ATG4B: variants seen among roughly 807,000 people sequenced by gnomAD.
ATG4B encodes the protein autophagy related 4B cysteine peptidase, also known as cysteine protease ATG4B.
A neutral mutation model predicts 56.6 loss-of-function variants in ATG4B; 29 were observed. That is an observed-to-expected ratio of 0.51 (90% CI 0.38 to 0.70). ATG4B has a LOEUF of 0.70. Ranked by LOEUF, ATG4B falls within the 30% of genes least tolerant of loss-of-function variation. The probability of loss-of-function intolerance (pLI) is 0.00; values close to 1 mark genes in which losing one functional copy is unlikely to be tolerated. For synonymous variants in ATG4B, 224 were observed against 206.1 expected (o/e 1.09, Z -0.74); for missense variants, 461 against 515.5 (o/e 0.89, Z 1.02).
intron 1 of ATG4B, among the ~76,000 whole-genome samples, chr2:241,648,607 G>A (rs201564327): frequency 4.3e-5 from 6 of 139,138 alleles, no homozygotes; most frequent in South Asian, 4.7e-4. Flanking sequence ...AAAAAAAAAA[G>A]AAAAAAAAAC....
At chr2:241,661,211 G>C (rs867554693) in intron 7 of ATG4B, among the ~76,000 whole-genome samples, 1 of 152,216 alleles carries the variant, frequency 6.6e-6, no homozygotes, top group South Asian at 2.1e-4. Context: ...GTCTCACTGC[G>C]TCAGCTGCCT....
At chr2:241,659,521 C>G (rs2068525945) in intron 7 of ATG4B, 3 of 380,284 alleles carry the variant, frequency 7.9e-6, no homozygotes, top group Non-Finnish European at 1.6e-5. Flanking sequence ...TTTTGCGTGC[C>G]TTGATGTGCG....
At chr2:241,671,202 T>G in intron 11 of ATG4B, 110 bp from the exon 12 acceptor site, 18 of 924,282 alleles carry the variant, frequency 1.9e-5, no homozygotes, top group Non-Finnish European at 2.7e-5. Context: ...TTCTCATCAG[T>G]GAGATGGGAT....
chr2:241,672,167 T>G, intron 12 of ATG4B, 24 bp from the exon 13 acceptor site: 2 of 1,562,334 alleles, frequency 1.3e-6, no homozygotes, highest in Non-Finnish European at 1.7e-6. Context: ...AGATGCCTGA[T>G]GCGCTATGTC....
rs774184091 is a variant in ATG4B, at chr2:241,668,514, C to T, written c.812-26C>T. On this transcript the variant is annotated intron_variant, in intron 9 of 12. Coordinates refer to ENST00000404914, the MANE Select transcript of ATG4B (RefSeq NM_013325.5). This position sits in a 1 kb window ranked among gnomAD's most constrained non-coding sequence, Gnocchi z 4.2. ...TTTCCTCTGCCGGCTCGGCCACCCA[C>T]CTGCCCACCTGCCTCATCCTCCCAG... 6.2e-7 allele frequency: 1 copy of T among 1,601,966 alleles called. No homozygotes were observed. The highest frequency in any genetic ancestry group is 2.2e-5 in the East Asian group (1 of 44,506).
At position 241,666,724 on chromosome 2, in the gene ATG4B, C is replaced by G; in HGVS notation, c.618C>G (p.Phe206Leu). Residue 206 changes from phenylalanine (F) to leucine (L), a missense_variant, in exon 8 of 13, where the codon TTC becomes TTG. By Grantham distance (22) the Phe-to-Leu change is conservative (BLOSUM62 0). Transcript: ENST00000404914. ...PADSDRHCNGFPAGAEVTNRP... is the reference protein window; with the variant it reads ...PADSDRHCNGLPAGAEVTNRP... ...ATTCCGACCGGCACTGCAACGGATT[C>G]CCTGCCGGAGCTGAGGTCACCAACA... The G allele has an allele frequency of 3.1e-6, 5 of 1,612,158 alleles. No homozygotes were observed. Among genetic ancestry groups the G allele is most frequent in the Non-Finnish European group, 4.2e-6 (5 of 1,179,182 alleles).
intron 8 of ATG4B, 61 bp downstream of exon 8, chr2:241,666,899 A>G: frequency 2.7e-6 from 4 of 1,500,768 alleles, no homozygotes; most frequent in Non-Finnish European, 3.6e-6. Flanking sequence ...GTTCTTAGTC[A>G]CTTTCAGCGC....
intron 7 of ATG4B, chr2:241,659,576 A>G: frequency 1.2e-5 from 4 of 346,954 alleles, no homozygotes; most frequent in South Asian, 8.6e-5. Context: ...ATCTCGAGCA[A>G]AGGCACGTCG....
intron 6 of ATG4B, among the ~76,000 whole-genome samples, chr2:241,657,965 C>T (rs1378063689): frequency 1.3e-5 from 2 of 152,144 alleles, no homozygotes; most frequent in African/African-American, 4.8e-5. Flanking sequence ...GCACTTGGAC[C>T]CTGTTCCCCC....
At chr2:241,647,576 C>T (rs991471144) in intron 1 of ATG4B, among the ~76,000 whole-genome samples, 11 of 143,812 alleles carry the variant, frequency 7.6e-5, no homozygotes, top group African/African-American at 2.9e-4. Context: ...GCCGAGATCG[C>T]GCTACTGCAC....
chr2:241,659,376 C>G (rs1437561672), intron 7 of ATG4B, 189 bp downstream of exon 7: 1 of 672,558 alleles, frequency 1.5e-6, no homozygotes, highest in African/African-American at 1.8e-5. Context: ...GGCGGTCATA[C>G]CAAGAGAGGA....
intron 1 of ATG4B, among the ~76,000 whole-genome samples, chr2:241,646,690 T>C (rs2068069341): frequency 6.6e-6 from 1 of 152,166 alleles, no homozygotes; most frequent in Admixed American, 6.5e-5. Context: ...CAGCTGAGTT[T>C]GCCCAACTGT....
chr2:241,668,261 C>T lies in ATG4B; in HGVS notation c.811+40C>T. On this transcript the variant is annotated intron_variant, in intron 9 of 12. Coordinates refer to ENST00000404914, the MANE Select transcript of ATG4B (RefSeq NM_013325.5). The surrounding 1 kb of genome is among the most constrained non-coding windows in gnomAD (Gnocchi z 4.2). ...CCCACCGTGTCCCTGTGGGCCTGGG[C>T]CTTTTAAGGGCATTCCATGAGCAGG... 6.4e-7 allele frequency: 1 copy of T among 1,556,200 alleles called. No homozygotes were observed. Among genetic ancestry groups the T allele is most frequent in the South Asian group, 1.2e-5 (1 of 84,410 alleles).
Position 241,668,369 on chromosome 2 carries a change from GC to G in ATG4B, c.811+150del. On this transcript the variant is annotated intron_variant, in intron 9 of 12. Transcript: ENST00000404914. This position sits in a 1 kb window ranked among gnomAD's most constrained non-coding sequence, Gnocchi z 4.2. ...TTCATTTTCAGCCTGGTCGCGGGCGGCCTCCTGTGTGCCCCTTTCCCTGATG... is the reference window on the plus strand; with the variant it reads ...TTCATTTTCAGCCTGGTCGCGGGCGGCTCCTGTGTGCCCCTTTCCCTGATG... The G allele has an allele frequency of 7.4e-7, 1 of 1,358,004 alleles. No individual in the cohort carries two copies. The highest frequency in any genetic ancestry group is 1.0e-6 in the Non-Finnish European group (1 of 978,838). 84.1% of individuals were successfully genotyped at this position (1,358,004 alleles called of 1,614,324 possible).
At chr2:241,667,387 C>G (rs1279430809) in intron 8 of ATG4B, among the ~76,000 whole-genome samples, 4 of 151,886 alleles carry the variant, frequency 2.6e-5, no homozygotes, top group African/African-American at 9.7e-5. Flanking sequence ...GGGCAGATCA[C>G]GAGGTCAGGA....
At chr2:241,638,692 G>T (rs2067771445) in intron 1 of ATG4B, among the ~76,000 whole-genome samples, 1 of 152,216 alleles carries the variant, frequency 6.6e-6, no homozygotes, top group Non-Finnish European at 1.5e-5. Flanking sequence ...ACTGTAATGT[G>T]TATTGCCAAT....
At chr2:241,645,723 T>C (rs909792198) in intron 1 of ATG4B, among the ~76,000 whole-genome samples, 1 of 152,138 alleles carries the variant, frequency 6.6e-6, no homozygotes, top group Admixed American at 6.5e-5. Context: ...CACTCCCCAC[T>C]TGCAGCGTCC....
At position 241,668,374 on chromosome 2, in the gene ATG4B, C is replaced by T. The variant is rs2068845599; in HGVS notation, c.811+153C>T. On this transcript the variant is annotated intron_variant, in intron 9 of 12. Transcript: ENST00000404914. The surrounding 1 kb of genome is among the most constrained non-coding windows in gnomAD (Gnocchi z 4.2). ...TTTCAGCCTGGTCGCGGGCGGCCTC[C>T]TGTGTGCCCCTTTCCCTGATGGTCT... 1.5e-6 allele frequency: 2 copies of T among 1,351,338 alleles called. No individual in the cohort carries two copies. The highest frequency in any genetic ancestry group is 1.8e-4 in the Middle Eastern group (1 of 5,568). 83.7% of individuals were successfully genotyped at this position (1,351,338 alleles called of 1,614,324 possible).
In ATG4B at chr2:241,666,925, C is replaced by T. The variant is rs569053147; in HGVS notation, c.732+87C>T. The T allele has an allele frequency of 5.4e-5, 78 of 1,436,022 alleles. 2 individuals are homozygous for T. In the African/African-American group the frequency reaches 1.0e-3, roughly 19 times the overall value. The allele number at this position is 1,436,022 out of a possible 1,614,324, so 89.0% of individuals were successfully genotyped here. On this transcript the variant is annotated intron_variant, in intron 8 of 12. Transcript: ENST00000404914. ...CTTTCAGCGCATCGTCGTCACGTGG[C>T]CATTTGTGCAGCCGGCTCTCGGGGG...
Sources: gnomAD v4.1 joint callset for allele counts (sites outside exome capture counted in the v4.1 genomes callset) on GRCh38, gnomAD v4.1.1 for gene constraint, Gnocchi (gnomAD v3.1) non-coding constraint, MANE v1.5 for transcripts, NCBI Gene and HGNC (gene_info 2026-07-23, HGNC 2026-07-21) for gene names.